Variants in KIF16B observed in about 807,000 individuals in gnomAD.
KIF16B encodes kinesin-like protein KIF16B.
In KIF16B, 98 loss-of-function variants were observed where a neutral mutation model predicts 156.3. That is an observed-to-expected ratio of 0.63 (90% confidence interval 0.53 to 0.74). The LOEUF (loss-of-function observed/expected upper bound fraction) is 0.74. Among genes scored for constraint, KIF16B ranks in the 30% least tolerant of loss-of-function variants. The probability of loss-of-function intolerance (pLI) is 0.00; values close to 1 mark genes in which losing one functional copy is unlikely to be tolerated. For missense variants in KIF16B, 1,421 were observed against 1,606.5 expected, an observed-to-expected ratio of 0.88 and a Z score of 1.97; for synonymous variants, 564 against 583.7, an observed-to-expected ratio of 0.97 and a Z score of 0.49.
intron 15 of KIF16B, among the ~76,000 whole-genome samples, chr20:16,412,169 G>A: frequency 6.6e-6 from 1 of 151,956 alleles, no homozygotes; most frequent in East Asian, 1.9e-4. Context: ...CAAAGCCAAG[G>A]AAAAGAGGGG....
chr20:16,325,835 T>G (rs1327482331), intron 24 of KIF16B, among the ~76,000 whole-genome samples: 1 of 151,894 alleles, frequency 6.6e-6, no homozygotes, highest in Non-Finnish European at 1.5e-5. Context: ...AGAGCCCACA[T>G]AGCCAAAGCA....
At chr20:16,312,923 C>G (rs2063642703) in intron 24 of KIF16B, among the ~76,000 whole-genome samples, 1 of 151,808 alleles carries the variant, frequency 6.6e-6, no homozygotes, top group Non-Finnish European at 1.5e-5. Context: ...TTTCAGTTAC[C>G]ACCGTGAATG....
chr20:16,474,070 G>C (rs1030608694), intron 12 of KIF16B, among the ~76,000 whole-genome samples: 5 of 152,158 alleles, frequency 3.3e-5, no homozygotes, highest in Non-Finnish European at 7.3e-5. Flanking sequence ...AGGTAATAGA[G>C]TTTTCTGAAC....
At chr20:16,342,955 G>A (rs73236247) in intron 23 of KIF16B, among the ~76,000 whole-genome samples, 2 of 152,226 alleles carry the variant, frequency 1.3e-5, no homozygotes, top group East Asian at 3.9e-4. Flanking sequence ...AGACAGAAAG[G>A]CAAAATTAAG....
intron 6 of KIF16B, among the ~76,000 whole-genome samples, chr20:16,509,280 T>C (rs2068883886): frequency 6.6e-6 from 1 of 152,242 alleles, no homozygotes; most frequent in Non-Finnish European, 1.5e-5. Context: ...TTATGAGTAA[T>C]GCTGCTACAA....
chr20:16,328,825 G>T (rs2063900160), intron 24 of KIF16B, among the ~76,000 whole-genome samples: 1 of 152,052 alleles, frequency 6.6e-6, no homozygotes, highest in African/African-American at 2.4e-5. Context: ...GGAGGTGGGG[G>T]CAAGCTCCCT....
rs374114053 is a variant in KIF16B at position 16,467,394 on chromosome 20, C to A, written c.1302+26897G>T. Among the ~76,000 whole-genome samples the A allele has an allele frequency of 3.9e-5, 6 of 152,260 alleles. 1 individual carries two copies. The highest frequency in any genetic ancestry group is 1.4e-4 in the African/African-American group (6 of 41,558). ...CACCTTTGCCCAAACACTTACAAGG[C>A]AAACTAAAAAGCAAAACACAGTTTT... On this transcript the variant is annotated intron_variant, in intron 12 of 25. Coordinates refer to ENST00000354981, the MANE Select transcript of KIF16B (RefSeq NM_024704.5).
chr20:16,444,139 T>A (rs1010862871), intron 12 of KIF16B, among the ~76,000 whole-genome samples: 1 of 152,238 alleles, frequency 6.6e-6, no homozygotes, highest in Non-Finnish European at 1.5e-5. Context: ...AAATCTCACA[T>A]CTTTCATTAG....
At chr20:16,431,032 C>A (rs1484482953) in intron 12 of KIF16B, among the ~76,000 whole-genome samples, 1 of 152,096 alleles carries the variant, frequency 6.6e-6, no homozygotes, top group Non-Finnish European at 1.5e-5. Flanking sequence ...ACCAACCTTT[C>A]CTGTTTGGTC....
intron 12 of KIF16B, among the ~76,000 whole-genome samples, chr20:16,473,976 C>T (rs538533708): frequency 3.0e-4 from 45 of 152,264 alleles, no homozygotes; most frequent in East Asian, 9.7e-4. Context: ...ATCTAATCCA[C>T]GCTCTTTTTC....
chr20:16,396,255 A>T (rs915329073), intron 17 of KIF16B, among the ~76,000 whole-genome samples: 2 of 152,082 alleles, frequency 1.3e-5, no homozygotes, highest in African/African-American at 4.8e-5. Flanking sequence ...TAATTATCTG[A>T]GGTGGAAGAG....
intron 4 of KIF16B, among the ~76,000 whole-genome samples, chr20:16,514,885 CAA>C (rs10564862): frequency 1.6e-4 from 10 of 60,752 alleles, no homozygotes; most frequent in African/African-American, 6.0e-4. Context: ...GATTCCATCT[CAA>C]AAAAAAAAAA....
At chr20:16,364,190 A>T (rs539179275) in intron 22 of KIF16B, among the ~76,000 whole-genome samples, 17 of 152,330 alleles carry the variant, frequency 1.1e-4, no homozygotes, top group African/African-American at 4.1e-4. Context: ...CACTGTTTTG[A>T]AATGTTTTTC....
intron 12 of KIF16B, among the ~76,000 whole-genome samples, chr20:16,477,789 A>G (rs1724646705): frequency 6.6e-6 from 1 of 152,216 alleles, no homozygotes; most frequent in Non-Finnish European, 1.5e-5. Context: ...CTTGGCAGGA[A>G]GAACTTTGAC....
rs141583950 is a variant in KIF16B, at chr20:16,380,580, C to T, written c.1839-417G>A. On this transcript the variant is annotated intron_variant, in intron 18 of 25. Coordinates refer to ENST00000354981, the MANE Select transcript of KIF16B (RefSeq NM_024704.5). ...CATTAAATAAAAATGCTTATGCTGT[C>T]CTCATCTCATTGGGGTCAAATATCA... 3.9e-5 allele frequency among the ~76,000 whole-genome samples: 6 copies of T among 152,218 alleles called. No individual in the cohort carries two copies. The East Asian group carries it at 1.2e-3, about 29-fold the overall frequency.
chr20:16,322,607 T>C (rs1419015292), intron 24 of KIF16B, among the ~76,000 whole-genome samples: 52 of 152,060 alleles, frequency 3.4e-4, no homozygotes, highest in Non-Finnish European at 1.2e-4. Flanking sequence ...TTCTTAATGA[T>C]CTCAGAGTGA....
chr20:16,287,110 T>G (rs2063233944), intron 25 of KIF16B, among the ~76,000 whole-genome samples: 2 of 152,210 alleles, frequency 1.3e-5, no homozygotes, highest in South Asian at 4.1e-4. Flanking sequence ...GGGCAGTTCA[T>G]TATACAATGA....
intron 10 of KIF16B, among the ~76,000 whole-genome samples, chr20:16,503,267 A>G (rs1408700575): frequency 6.6e-6 from 1 of 152,176 alleles, no homozygotes; most frequent in African/African-American, 2.4e-5. Context: ...AAAAATGACT[A>G]TTGTGGTTCA....
At chr20:16,519,035 T>C (rs1006636514) in intron 3 of KIF16B, among the ~76,000 whole-genome samples, 2 of 152,192 alleles carry the variant, frequency 1.3e-5, no homozygotes, top group African/African-American at 2.4e-5. Context: ...CAATTAGGTC[T>C]ACAAACCTGA....
Sources: allele counts gnomAD v4.1 joint callset (sites outside exome capture counted in the v4.1 genomes callset), GRCh38; gene constraint gnomAD v4.1.1; transcripts MANE v1.5; gene names NCBI Gene and HGNC (gene_info 2026-07-23, HGNC 2026-07-21).